RBL2: variants seen among roughly 807,000 people sequenced by gnomAD.
RBL2 encodes retinoblastoma-like protein 2.
A neutral mutation model predicts 126.0 loss-of-function variants in RBL2; 56 were observed. The ratio of observed to expected loss-of-function variants is 0.44; its 90% CI spans 0.36 to 0.56. RBL2 has a LOEUF of 0.56. Ranked by LOEUF, RBL2 falls within the 20% of genes least tolerant of loss-of-function variation. The probability of loss-of-function intolerance (pLI) is 0.00; values close to 1 mark genes in which losing one functional copy is unlikely to be tolerated. For synonymous variants in RBL2, 454 were observed against 478.5 expected (o/e 0.95, Z 0.67); for missense variants, 1,229 against 1,398.2 (o/e 0.88, Z 1.93).
At chr16:53,465,694 T>A in intron 13 of RBL2, 92 bp downstream of exon 13, 1 of 1,017,664 alleles carries the variant, frequency 9.8e-7, no homozygotes, top group African/African-American at 1.7e-5. Context: ...GCAATTAGGT[T>A]TAATATGTTA....
intron 4 of RBL2, among the ~76,000 whole-genome samples, chr16:53,450,755 G>A (rs2058107592): frequency 6.6e-6 from 1 of 152,094 alleles, no homozygotes; most frequent in Non-Finnish European, 1.5e-5. Flanking sequence ...TGGTACTCCT[G>A]TTGCATTAAT....
chr16:53,466,387 C>A (rs1360254835), intron 13 of RBL2, among the ~76,000 whole-genome samples: 7 of 152,008 alleles, frequency 4.6e-5, no homozygotes, highest in African/African-American at 2.4e-5. Context: ...AACTGCCTTA[C>A]ATTTATTGCA....
At chr16:53,446,913 A>G in intron 3 of RBL2, 129 bp from the exon 4 acceptor site, 2 of 464,664 alleles carry the variant, frequency 4.3e-6, no homozygotes, top group Non-Finnish European at 7.7e-6. Context: ...CACGTTTTCC[A>G]TGTGAAGCTG....
intron 1 of RBL2, among the ~76,000 whole-genome samples, chr16:53,435,189 CG>C (rs1335183722): frequency 1.3e-5 from 2 of 152,138 alleles, no homozygotes; most frequent in African/African-American, 4.8e-5. Flanking sequence ...CGCGATTAAC[CG>C]GGTTGTGGCA....
chr16:53,447,193 G>T, intron 4 of RBL2, 87 bp downstream of exon 4: 2 of 667,794 alleles, frequency 3.0e-6, no homozygotes, highest in East Asian at 3.2e-5. Context: ...TATGTATCAG[G>T]AAAAGATTTT....
At chr16:53,475,133 G>A (rs1960680568) in intron 17 of RBL2, among the ~76,000 whole-genome samples, 1 of 152,116 alleles carries the variant, frequency 6.6e-6, no homozygotes, top group Non-Finnish European at 1.5e-5. Context: ...TAAATTGTTG[G>A]CAAATAATTA....
chr16:53,469,362 A>G (rs1193392157), intron 14 of RBL2, among the ~76,000 whole-genome samples: 1 of 152,216 alleles, frequency 6.6e-6, no homozygotes, highest in Non-Finnish European at 1.5e-5. Context: ...ATGCATGTCC[A>G]CCTTGCTTAA....
intron 21 of RBL2, among the ~76,000 whole-genome samples, chr16:53,483,051 G>A (rs1057276214): frequency 3.9e-5 from 6 of 152,060 alleles, no homozygotes; most frequent in East Asian, 3.8e-4. Context: ...AGTTTCTTTG[G>A]TGTTGATGAT....
In RBL2 at chr16:53,470,435, TGGG is replaced by T. The variant is rs1340788698; in HGVS notation, c.2302_2304del (p.Gly768del). On this transcript the variant is annotated inframe_deletion, in exon 16 of 22. Transcript: ENST00000262133. Reference sequence around the variant, plus strand: ...CATTCTTCCCTGTCCAAGTCAATGTTGGGGGGCAGGCACAAGCTGTGACAGGCT... The same window carrying T: ...CATTCTTCCCTGTCCAAGTCAATGTTGGGCAGGCACAAGCTGTGACAGGCT... 1.9e-6 allele frequency: 3 copies of T among 1,614,002 alleles called. No individual in the cohort carries two copies. Among genetic ancestry groups the T allele is most frequent in the Non-Finnish European group, 2.5e-6 (3 of 1,180,020 alleles).
chr16:53,482,513 T>TA (rs1358147471), intron 21 of RBL2, among the ~76,000 whole-genome samples: 1 of 152,070 alleles, frequency 6.6e-6, no homozygotes, highest in Non-Finnish European at 1.5e-5. Context: ...TTTTTATTGA[T>TA]AAAGGTTGCT....
chr16:53,475,120 G>A (rs988815691), intron 17 of RBL2, among the ~76,000 whole-genome samples: 2 of 151,910 alleles, frequency 1.3e-5, no homozygotes, highest in African/African-American at 4.8e-5. Flanking sequence ...GTTTCCTCTG[G>A]GCTAAATTGT....
intron 13 of RBL2, 66 bp from the exon 14 acceptor site, chr16:53,466,992 A>T: frequency 9.5e-7 from 1 of 1,056,724 alleles, no homozygotes; most frequent in Non-Finnish European, 1.4e-6. Context: ...GCCTTAGATT[A>T]CTATTGTATT....
In RBL2 at chr16:53,457,960, C is replaced by T. The variant is rs60714919; in HGVS notation, c.1180-1491C>T. On this transcript the variant is annotated intron_variant, in intron 8 of 21. Coordinates refer to ENST00000262133, the MANE Select transcript of RBL2 (RefSeq NM_005611.4). The stretch of plus-strand genomic sequence containing the variant: ...GGTGTTTTTCCCTCCCAGTGCCTCC[C>T]AATGTAGGCATCGGTTCATGCACAG... Among the ~76,000 whole-genome samples, 1,284 of 152,256 alleles carry T rather than the reference C, an allele frequency of 8.4e-3. 22 individuals carry two copies. Among genetic ancestry groups the T allele is most frequent in the African/African-American group, 0.029 (1,198 of 41,552 alleles).
chr16:53,487,704 C>T (rs1961231161), intron 21 of RBL2: 1 of 152,150 alleles, frequency 6.6e-6, no homozygotes, highest in African/African-American at 2.4e-5. Flanking sequence ...TGAATAATTT[C>T]TGCTATTTGA....
intron 1 of RBL2, 36 bp downstream of exon 1, chr16:53,434,832 T>C (rs2057940341): frequency 6.8e-7 from 1 of 1,468,394 alleles, no homozygotes; most frequent in Non-Finnish European, 9.0e-7. Context: ...TCCGGCCTAG[T>C]TGGCGTGAAC....
chr16:53,472,502 A>G (rs369121212), intron 17 of RBL2, among the ~76,000 whole-genome samples: 16 of 152,298 alleles, frequency 1.1e-4, no homozygotes, highest in African/African-American at 3.8e-4. Flanking sequence ...CCTGATAACT[A>G]AGGATGTCAA....
chr16:53,466,192 G>A (rs960093664), intron 13 of RBL2: 1 of 152,302 alleles, frequency 6.6e-6, no homozygotes, highest in Non-Finnish European at 1.5e-5. Context: ...AAACGAGTCA[G>A]ATAATTTGTG....
At chr16:53,479,864 C>T (rs1319155220) in intron 18 of RBL2, 22 bp from the exon 19 acceptor site, 5 of 1,496,592 alleles carry the variant, frequency 3.3e-6, no homozygotes, top group South Asian at 2.4e-5. Flanking sequence ...GTTTATGTCC[C>T]CTTCTCATTG....
Position 53,480,616 on chromosome 16 carries a change from T to G in RBL2, c.2931T>G (p.Val977=). 6.2e-7 allele frequency: 1 copy of G among 1,614,036 alleles called. No homozygotes were observed. Among genetic ancestry groups the G allele is most frequent in the Non-Finnish European group, 8.5e-7 (1 of 1,179,988 alleles). Residue 977 remains valine (V), a synonymous_variant, in exon 20 of 22, where the codon GTT becomes GTG. Coordinates refer to ENST00000262133, the MANE Select transcript of RBL2 (RefSeq NM_005611.4). ...TGAGGTCAAGCAGCACCTTGCCAGTTCCACAGCCCAGCAGTGCTCCTCCCA... is the reference window on the plus strand; with the variant it reads ...TGAGGTCAAGCAGCACCTTGCCAGTGCCACAGCCCAGCAGTGCTCCTCCCA... The part of the protein sequence containing the change: ...PVMRSSSTLP[V]PQPSSAPPTP...
Sources: allele counts gnomAD v4.1 joint callset (sites outside exome capture counted in the v4.1 genomes callset), GRCh38; gene constraint gnomAD v4.1.1; transcripts MANE v1.5; gene names NCBI Gene and HGNC (gene_info 2026-07-23, HGNC 2026-07-21).